Variants in SLC8A1 observed in about 807,000 individuals in gnomAD.
SLC8A1 encodes solute carrier family 8 member A1.
A neutral mutation model predicts 68.3 loss-of-function variants in SLC8A1; 18 were observed. That is an observed-to-expected ratio of 0.26 (90% CI 0.18 to 0.39). SLC8A1 has a LOEUF of 0.39. SLC8A1 is among the 10% of genes least tolerant of loss of function. The pLI, the probability that SLC8A1 is intolerant of heterozygous loss-of-function variation, is 1.00. For missense variants in SLC8A1, 985 were observed against 1,156.7 expected (o/e 0.85, Z 2.15); for synonymous variants, 475 against 415.5 (o/e 1.14, Z -1.74).
chr2:40,475,617 T>C (rs1028972542), intron 1 of SLC8A1, among the ~76,000 whole-genome samples: 1 of 152,058 alleles, frequency 6.6e-6, no homozygotes, highest in Non-Finnish European at 1.5e-5. Flanking sequence ...TACATGTACA[T>C]ATACATACAT....
At chr2:40,409,147 C>G (rs1691322687) in intron 2 of SLC8A1, among the ~76,000 whole-genome samples, 1 of 152,098 alleles carries the variant, frequency 6.6e-6, no homozygotes, top group African/African-American at 2.4e-5. Flanking sequence ...AGGTCCTTTT[C>G]TCAGAACAAA....
intron 2 of SLC8A1, among the ~76,000 whole-genome samples, chr2:40,321,818 G>T (rs534741063): frequency 6.6e-6 from 1 of 152,122 alleles, no homozygotes; most frequent in South Asian, 2.1e-4. Context: ...TAAGATTTGG[G>T]TGGGAACACA....
At chr2:40,253,252 T>C (rs2063272029) in intron 2 of SLC8A1, among the ~76,000 whole-genome samples, 3 of 150,370 alleles carry the variant, frequency 2.0e-5, no homozygotes, top group South Asian at 4.2e-4. Flanking sequence ...TATACACATA[T>C]GTATACATAT....
chr2:40,377,839 C>T (rs1680419728), intron 2 of SLC8A1, among the ~76,000 whole-genome samples: 1 of 152,118 alleles, frequency 6.6e-6, no homozygotes, highest in Admixed American at 6.6e-5. Flanking sequence ...GTGGCTTCCT[C>T]AAGGCCATTC....
At chr2:40,430,419 G>A in intron 1 of SLC8A1, 115 bp from the exon 2 acceptor site, 1 of 1,162,200 alleles carries the variant, frequency 8.6e-7, no homozygotes, top group Non-Finnish European at 1.2e-6. Flanking sequence ...GTTTATATTT[G>A]ACCATCACAA....
At chr2:40,331,945 T>G (rs2076457476) in intron 2 of SLC8A1, among the ~76,000 whole-genome samples, 1 of 151,990 alleles carries the variant, frequency 6.6e-6, no homozygotes, top group South Asian at 2.1e-4. Context: ...TCTCCATGTA[T>G]TTATTTATTT....
intron 1 of SLC8A1, among the ~76,000 whole-genome samples, chr2:40,472,450 C>A (rs1220670281): frequency 6.6e-6 from 1 of 152,066 alleles, no homozygotes; most frequent in Non-Finnish European, 1.5e-5. Flanking sequence ...TTATCACAAC[C>A]CTATCTGTTG....
rs1264615604 is a variant in SLC8A1, at chr2:40,223,111, G to A, written c.1809-45256C>T. Among the ~76,000 whole-genome samples the A allele has an allele frequency of 2.6e-5, 4 of 151,988 alleles. 1 individual carries two copies. Among genetic ancestry groups the A allele is most frequent in the East Asian group, 3.9e-4 (2 of 5,180 alleles). On this transcript the variant is annotated intron_variant, in intron 2 of 7. Transcript: ENST00000406785. ...GTATTCACAACAGCAGAGTTGGAAC[G>A]AACCCAAATGCCCATCAATGATAGA... is the stretch of plus-strand genomic sequence containing the variant.
intron 2 of SLC8A1, among the ~76,000 whole-genome samples, chr2:40,192,101 A>T (rs191393469): frequency 1.5e-4 from 23 of 152,216 alleles, no homozygotes; most frequent in African/African-American, 5.1e-4. Context: ...TAATTTATAT[A>T]AGAGATTTTT....
chr2:40,479,825 T>A lies in SLC8A1; in HGVS notation c.-25+32524A>T, dbSNP rs17026066. Among the ~76,000 whole-genome samples, 1,165 of 152,308 alleles carry A rather than the reference T, an allele frequency of 7.6e-3. 10 individuals carry two copies. The highest frequency in any genetic ancestry group is 0.027 in the African/African-American group (1,121 of 41,552). On this transcript the variant is annotated intron_variant, in intron 1 of 7. Coordinates refer to the SLC8A1 transcript ENST00000402441. ...GAGAAAAATATAAGCCCAGTTAGTATCCCTTGCATTGTTTGTCCCTTCATA... is the reference window on the plus strand; with the variant it reads ...GAGAAAAATATAAGCCCAGTTAGTAACCCTTGCATTGTTTGTCCCTTCATA...
intron 2 of SLC8A1, among the ~76,000 whole-genome samples, chr2:40,375,001 A>G (rs1575814341): frequency 1.3e-5 from 2 of 152,180 alleles, no homozygotes; most frequent in Middle Eastern, 6.8e-3. Context: ...AGAGTAATAA[A>G]TCTTCCATGG....
intron 1 of SLC8A1, among the ~76,000 whole-genome samples, chr2:40,498,227 T>C (rs1011587100): frequency 6.6e-6 from 1 of 152,072 alleles, no homozygotes; most frequent in Non-Finnish European, 1.5e-5. Flanking sequence ...GTTGCATATA[T>C]TGGTTGGACG....
At chr2:40,285,967 T>C (rs933491538) in intron 2 of SLC8A1, among the ~76,000 whole-genome samples, 3 of 152,146 alleles carry the variant, frequency 2.0e-5, no homozygotes, top group African/African-American at 7.2e-5. Context: ...GAAATGCAAG[T>C]AGTATGGCAG....
chr2:40,361,558 C>T (rs73926620), intron 2 of SLC8A1, among the ~76,000 whole-genome samples: 213 of 151,750 alleles, frequency 1.4e-3, no homozygotes, highest in African/African-American at 4.9e-3. Flanking sequence ...GGGACCTCAT[C>T]TGGTGCCCCA....
intron 2 of SLC8A1, among the ~76,000 whole-genome samples, chr2:40,311,608 GAA>G (rs1477845292): frequency 1.3e-5 from 2 of 151,966 alleles, no homozygotes. Context: ...TATATACAAA[GAA>G]TATATCTGGA....
At chr2:40,188,060 C>T (rs922555184) in intron 2 of SLC8A1, among the ~76,000 whole-genome samples, 2 of 152,138 alleles carry the variant, frequency 1.3e-5, no homozygotes, top group Non-Finnish European at 2.9e-5. Context: ...GTGGATCAAG[C>T]ATAGGGTACC....
intron 2 of SLC8A1, among the ~76,000 whole-genome samples, chr2:40,287,591 T>TGC (rs1420710736): frequency 7.2e-6 from 1 of 139,490 alleles, no homozygotes; most frequent in Non-Finnish European, 1.5e-5. Flanking sequence ...GATGTGTGTG[T>TGC]GTGTGTGTGT....
At chr2:40,188,004 C>A (rs1367666223) in intron 2 of SLC8A1, among the ~76,000 whole-genome samples, 1 of 152,178 alleles carries the variant, frequency 6.6e-6, no homozygotes, top group Non-Finnish European at 1.5e-5. Context: ...GGTCTGTTAC[C>A]TACACATGCC....
intron 6 of SLC8A1, among the ~76,000 whole-genome samples, chr2:40,149,126 G>A (rs2042971674): frequency 6.6e-6 from 1 of 152,060 alleles, no homozygotes; most frequent in Non-Finnish European, 1.5e-5. Context: ...AAATATTTTG[G>A]GTCACTGTTT....
Sources: allele counts gnomAD v4.1 joint callset (sites outside exome capture counted in the v4.1 genomes callset), GRCh38; gene constraint gnomAD v4.1.1; transcripts MANE v1.5; gene names NCBI Gene and HGNC (gene_info 2026-07-23, HGNC 2026-07-21).